The following MYH11 variants were observed in gnomAD, a reference collection of about 807,000 sequenced individuals.
MYH11 encodes myosin-11.
Under a neutral mutation model 246.6 loss-of-function variants are expected in MYH11, and 80 were observed. The observed-to-expected ratio is 0.32, with a 90% CI of 0.27 to 0.39. The LOEUF (loss-of-function observed/expected upper bound fraction) is 0.39, where lower values mean the gene tolerates loss of function less well. Among genes scored for constraint, MYH11 ranks in the 10% least tolerant of loss-of-function variants. The pLI, the probability that MYH11 is intolerant of heterozygous loss-of-function variation, is 1.00. For missense variants in MYH11, 2,158 were observed against 2,546.8 expected (o/e 0.85, Z 3.29); for synonymous variants, 1,071 against 1,015.5 (o/e 1.05, Z -1.04).
At chr16:15,843,227 T>G (rs935642361) in intron 1 of MYH11, among the ~76,000 whole-genome samples, 1 of 151,780 alleles carries the variant, frequency 6.6e-6, no homozygotes, top group African/African-American at 2.4e-5. Flanking sequence ...AAAAATTAGC[T>G]GGGCATAGTG....
rs2151251176 is a variant in MYH11, at chr16:15,741,817, C to T, written c.2595G>A (p.Lys865=). The T allele has an allele frequency of 1.9e-6, 3 of 1,614,232 alleles. No homozygotes were observed. The highest frequency in any genetic ancestry group is 2.2e-5 in the South Asian group (2 of 91,090). ...CATTCTCTGCCTTCTGCTGCCGCTC[C>T]TTGGTCTTCTGCAGTTCATCCTCCT... ...QAKEDELQKT[K]ERQQKAENEL... is the part of the protein sequence containing the mutation. The change falls in exon 21 of 41, where the codon AAG becomes AAA. Residue 865 remains lysine, a synonymous_variant. Coordinates refer to ENST00000300036, the MANE Select transcript of MYH11 (RefSeq NM_002474.3).
chr16:15,807,727 T>C (rs1324564786), intron 3 of MYH11, among the ~76,000 whole-genome samples: 1 of 152,088 alleles, frequency 6.6e-6, no homozygotes, highest in Non-Finnish European at 1.5e-5. Context: ...TCCTTAAACA[T>C]GCCTCTCTCC....
intron 40 of MYH11, among the ~76,000 whole-genome samples, chr16:15,709,811 C>G (rs1040746544): frequency 6.6e-6 from 1 of 152,212 alleles, no homozygotes; most frequent in Non-Finnish European, 1.5e-5. Flanking sequence ...TTTATGATTA[C>G]TTGCTCTTCA....
intron 15 of MYH11, 77 bp downstream of exon 15, chr16:15,753,317 G>C: frequency 7.7e-7 from 1 of 1,290,328 alleles, no homozygotes; most frequent in Non-Finnish European, 1.1e-6. Flanking sequence ...CCTGGGGCAG[G>C]TGTGAGAGTC....
intron 2 of MYH11, among the ~76,000 whole-genome samples, chr16:15,833,001 C>T (rs1271693817): frequency 9.0e-6 from 1 of 110,738 alleles, no homozygotes; most frequent in African/African-American, 3.5e-5. Context: ...CTCACTCTGT[C>T]ACCCAGGCTG....
chr16:15,771,817 T>G (rs1596812362), intron 8 of MYH11, 105 bp from the exon 9 acceptor site: 1 of 1,444,198 alleles, frequency 6.9e-7, no homozygotes, highest in Non-Finnish European at 9.6e-7. Context: ...TCCTTTCCCT[T>G]TATCAAGGCT....
At chr16:15,714,427 T>C (rs2039997835) in intron 40 of MYH11, 1 of 191,780 alleles carries the variant, frequency 5.2e-6, no homozygotes, top group Non-Finnish European at 1.1e-5. Context: ...TTTTCAGGGA[T>C]CTTTTTCCTT....
At chr16:15,745,941 G>A (rs1252913109) in intron 19 of MYH11, among the ~76,000 whole-genome samples, 1 of 148,640 alleles carries the variant, frequency 6.7e-6, no homozygotes, top group Admixed American at 6.7e-5. Flanking sequence ...TTCAGAGACA[G>A]GGTCTGGCTC....
chr16:15,821,237 A>G (rs2043402769), intron 3 of MYH11, among the ~76,000 whole-genome samples: 1 of 152,132 alleles, frequency 6.6e-6, no homozygotes, highest in Non-Finnish European at 1.5e-5. Flanking sequence ...CCACACACAT[A>G]CTATCTACAG....
intron 7 of MYH11, among the ~76,000 whole-genome samples, chr16:15,777,318 C>T (rs2042246359): frequency 6.6e-6 from 1 of 152,162 alleles, no homozygotes; most frequent in African/African-American, 2.4e-5. Flanking sequence ...GACAGGGTTT[C>T]ACCATATTGG....
At position 15,838,091 on chromosome 16, in the gene MYH11, C is replaced by G; in HGVS notation, c.162G>C (p.Lys54Asn). The G allele has an allele frequency of 6.2e-7, 1 of 1,614,112 alleles. No homozygotes were observed. Among genetic ancestry groups the G allele is most frequent in the South Asian group, 1.1e-5 (1 of 91,068 alleles). The change falls in exon 2 of 41, where the codon AAG becomes AAC. Residue 54 changes from lysine to asparagine, a missense_variant. Lys to Asn is a moderately conservative substitution (Grantham distance 94). This residue lies in a region of MYH11 where 96 missense variants were observed against 91.9 expected (regional missense o/e 1.04). Transcript: ENST00000300036. Reference protein sequence around the residue: ...GFEAASIKEEKGDEVVVELVE... With the variant: ...GFEAASIKEENGDEVVVELVE... ...CCAGCTCCACAACCACCTCATCCCC[C>G]TTCTCCTCCTTAATGCTGGCTGCCT...
chr16:15,748,691 C>T (rs912938383), intron 16 of MYH11, among the ~76,000 whole-genome samples: 1 of 152,146 alleles, frequency 6.6e-6, no homozygotes, highest in Non-Finnish European at 1.5e-5. Context: ...TCATGGCTCA[C>T]TGCAGCCTCA....
intron 3 of MYH11, among the ~76,000 whole-genome samples, chr16:15,802,508 G>T (rs1435867544): frequency 1.3e-5 from 2 of 152,210 alleles, no homozygotes; most frequent in African/African-American, 4.8e-5. Context: ...GTGTACAGTG[G>T]CGTGATCTCA....
intron 7 of MYH11, among the ~76,000 whole-genome samples, chr16:15,777,604 C>A (rs1437152894): frequency 1.3e-5 from 2 of 152,106 alleles, no homozygotes; most frequent in African/African-American, 4.8e-5. Context: ...ACAAGAGGGC[C>A]CTGGCTCTGG....
intron 3 of MYH11, among the ~76,000 whole-genome samples, chr16:15,820,489 A>AAAAG (rs1395123947): frequency 2.8e-5 from 4 of 144,192 alleles, no homozygotes; most frequent in East Asian, 2.1e-4. Flanking sequence ...AAAAAAAAAA[A>AAAAG]AAAGAAAGAA....
chr16:15,821,414 C>A (rs909401099), intron 3 of MYH11, among the ~76,000 whole-genome samples: 1 of 152,160 alleles, frequency 6.6e-6, no homozygotes, highest in Non-Finnish European at 1.5e-5. Flanking sequence ...TAGGTGCCAG[C>A]AAGTTCTCTT....
In MYH11 at chr16:15,807,399, C is replaced by T. The variant is rs2043038501; in HGVS notation, c.503-8712G>A. On this transcript the variant is annotated intron_variant, in intron 3 of 40. Transcript: ENST00000300036. ...TGAGCAGTGCTACGATGGATGTGAACCCAAGTGCTATAGACGTCAGGTTTT... is the reference window on the plus strand; with the variant it reads ...TGAGCAGTGCTACGATGGATGTGAATCCAAGTGCTATAGACGTCAGGTTTT... 2.0e-5 allele frequency among the ~76,000 whole-genome samples: 3 copies of T among 152,118 alleles called. No homozygotes were observed. The South Asian group carries it at 6.2e-4, about 31-fold the overall frequency.
intron 22 of MYH11, 22 bp from the exon 23 acceptor site, chr16:15,740,210 GT>G: frequency 6.2e-7 from 1 of 1,614,042 alleles, no homozygotes. Flanking sequence ...AGGGAAAAGA[GT>G]AACAGCTTTG....
intron 13 of MYH11, 93 bp from the exon 14 acceptor site, chr16:15,756,607 C>T (rs2041723793): frequency 1.6e-6 from 2 of 1,276,490 alleles, no homozygotes; most frequent in Non-Finnish European, 2.3e-6. Context: ...GCATGGGCAT[C>T]CGCCGAGATC....
Sources: gnomAD v4.1 joint callset for allele counts (sites outside exome capture counted in the v4.1 genomes callset) on GRCh38, gnomAD v4.1.1 for gene constraint, gnomAD v4.1.1 regional missense constraint, MANE v1.5 for transcripts, NCBI Gene and HGNC (gene_info 2026-07-23, HGNC 2026-07-21) for gene names.